Variants in ARRDC5 observed in about 807,000 individuals in gnomAD.
ARRDC5 encodes arrestin domain-containing protein 5.
ARRDC5 carries 12 observed loss-of-function variants against 13.3 expected under a neutral mutation model. That is an observed-to-expected ratio of 0.90 (90% CI 0.58 to 1.46). ARRDC5 has a LOEUF of 1.46. Among genes scored for constraint, ARRDC5 ranks in the 40% most tolerant of loss-of-function variants. The pLI, the probability that ARRDC5 is intolerant of heterozygous loss-of-function variation, is 0.00. For missense variants in ARRDC5, 406 were observed against 418.7 expected (o/e 0.97, Z 0.26); for synonymous variants, 181 against 173.4 (o/e 1.04, Z -0.34).
At chr19:4,899,975 G>A (rs907249250) in intron 1 of ARRDC5, among the ~76,000 whole-genome samples, 3 of 147,692 alleles carry the variant, frequency 2.0e-5, no homozygotes, top group Non-Finnish European at 4.5e-5. Context: ...AAAACAACTA[G>A]CAACATTTTT....
upstream of ARRDC5, among the ~76,000 whole-genome samples, chr19:4,904,435 T>C (rs2032021921): frequency 6.6e-6 from 1 of 152,160 alleles, no homozygotes; most frequent in Admixed American, 6.6e-5. Flanking sequence ...CACCTTGGCC[T>C]CCCAAAGTGC....
At chr19:4,900,978 C>T (rs1469266842) in intron 1 of ARRDC5, among the ~76,000 whole-genome samples, 1 of 151,226 alleles carries the variant, frequency 6.6e-6, no homozygotes, top group Non-Finnish European at 1.5e-5. Context: ...AAGATTACGC[C>T]ACTGCACTCC....
At chr19:4,896,631 T>C (rs201369086) in intron 2 of ARRDC5, 40 bp downstream of exon 2, 2 of 1,475,842 alleles carry the variant, frequency 1.4e-6, no homozygotes, top group African/African-American at 2.8e-5. Flanking sequence ...TCCTTGGAGC[T>C]TGGAGATTGT....
intron 2 of ARRDC5, among the ~76,000 whole-genome samples, chr19:4,895,567 C>T (rs2031684318): frequency 6.6e-6 from 1 of 152,092 alleles, no homozygotes; most frequent in Admixed American, 6.6e-5. Flanking sequence ...TCCCTCCTCC[C>T]ACCTCGACTT....
chr19:4,912,518 T>A, the ARRDC5 span, among the ~76,000 whole-genome samples: 1 of 152,186 alleles, frequency 6.6e-6, no homozygotes, highest in Non-Finnish European at 1.5e-5. Context: ...AACTTTTGCA[T>A]TTCAACCATG....
upstream of ARRDC5, among the ~76,000 whole-genome samples, chr19:4,905,108 CTTTTTTTT>C (rs61443004): frequency 3.6e-3 from 338 of 95,184 alleles, no homozygotes; most frequent in Middle Eastern, 0.02. Flanking sequence ...CGTAAACTTT[CTTTTTTTT>C]TTTTTTTTTT....
At chr19:4,903,031 T>TTTTCACTGGTTCA, upstream of ARRDC5, 1 of 456,424 alleles carries the variant, frequency 2.2e-6, no homozygotes. Flanking sequence ...CACTGGTTCT[T>TTTTCACTGGTTCA]TTTTTTTTTT....
At chr19:4,896,630 C>T (rs1456370603) in intron 2 of ARRDC5, 41 bp downstream of exon 2, 1 of 1,470,168 alleles carries the variant, frequency 6.8e-7, no homozygotes, top group Admixed American at 1.7e-5. Context: ...CTCCTTGGAG[C>T]TTGGAGATTG....
In ARRDC5 at chr19:4,891,359, G is replaced by A. The variant is rs1318723181; in HGVS notation, c.674C>T (p.Ala225Val). 6.2e-7 allele frequency: 1 copy of A among 1,613,776 alleles called. No homozygotes were observed. Among genetic ancestry groups the A allele is most frequent in the Non-Finnish European group, 8.5e-7 (1 of 1,179,890 alleles). The part of the protein sequence containing the change: ...HIQYEGFTPS[A>V]ERRSRLDSSE... ...GCTGTCCAGCCGAGACCGCCGCTCTGCACTGGGCGTGAAGCCCTCGTACTG... is the reference window on the plus strand; with the variant it reads ...GCTGTCCAGCCGAGACCGCCGCTCTACACTGGGCGTGAAGCCCTCGTACTG... The change falls in exon 3 of 3, where the codon GCA (alanine) becomes GTA (valine). Residue 225 changes from alanine to valine, a missense_variant. Ala to Val is a moderately conservative substitution (Grantham distance 64). Transcript: ENST00000650722.
the ARRDC5 span, among the ~76,000 whole-genome samples, chr19:4,915,709 CA>C: frequency 2.5e-4 from 37 of 150,276 alleles, 1 homozygote; most frequent in African/African-American, 6.6e-4. Context: ...GACTCCGTCT[CA>C]AAAAAAAAGC....
the ARRDC5 span, among the ~76,000 whole-genome samples, chr19:4,915,316 G>A: frequency 1.4e-4 from 22 of 152,178 alleles, no homozygotes; most frequent in East Asian, 5.8e-4. Flanking sequence ...TAGAGGGCGC[G>A]GCCTCTGTTA....
chr19:4,909,001 G>A, the ARRDC5 span, among the ~76,000 whole-genome samples: 6 of 152,162 alleles, frequency 3.9e-5, no homozygotes. Context: ...CAAGCCCTGC[G>A]GGTGGGTAGA....
intron 1 of ARRDC5, among the ~76,000 whole-genome samples, chr19:4,898,598 A>G (rs919251222): frequency 1.0e-4 from 15 of 150,376 alleles, no homozygotes; most frequent in Admixed American, 7.3e-4. Context: ...CTGACCTCAG[A>G]TAATCCACCT....
chr19:4,892,686 A>G (rs2031552630), intron 2 of ARRDC5, among the ~76,000 whole-genome samples: 1 of 152,148 alleles, frequency 6.6e-6, no homozygotes, highest in African/African-American at 2.4e-5. Flanking sequence ...AGTTGTTTGC[A>G]ACATAGCAAA....
In ARRDC5 at chr19:4,896,563, C is replaced by A. The variant is rs1466356362; in HGVS notation, c.459+108G>T. The A allele has an allele frequency of 9.9e-6, 8 of 805,604 alleles. No individual in the cohort carries two copies. The East Asian group carries it at 1.3e-4, about 13-fold the overall frequency. The allele number at this position is 805,604 out of a possible 1,614,324, so 49.9% of individuals were successfully genotyped here. Reference sequence around the variant, plus strand: ...TCGGGGCCTGGGAAGCTGCCAACACCCTTCCCTTCTCCCCATGGGACCTTC... The same window carrying A: ...TCGGGGCCTGGGAAGCTGCCAACACACTTCCCTTCTCCCCATGGGACCTTC... On this transcript the variant is annotated intron_variant, in intron 2 of 2. Coordinates refer to ENST00000650722, the MANE Select transcript of ARRDC5 (RefSeq NM_001080523.3).
intron 2 of ARRDC5, among the ~76,000 whole-genome samples, chr19:4,896,454 C>T (rs1027775654): frequency 2.0e-5 from 3 of 149,832 alleles, no homozygotes; most frequent in African/African-American, 7.4e-5. Flanking sequence ...GTCGCCCAGG[C>T]TGGAGTGCAG....
Position 4,890,967 on chromosome 19 carries a change from TGA to T in ARRDC5, c.*77_*78del, listed in dbSNP as rs1225203438. On this transcript the variant is annotated 3_prime_UTR_variant, in exon 3 of 3. Transcript: ENST00000650722. Reference sequence around the variant, plus strand: ...CCTGTTGCCCACTCCTCGACTCCTCTGAGAGTCACCTGTGCAAGAGAGAGGGC... The same window carrying T: ...CCTGTTGCCCACTCCTCGACTCCTCTGAGTCACCTGTGCAAGAGAGAGGGC... The T allele has an allele frequency of 3.9e-6, 5 of 1,285,676 alleles. No individual in the cohort carries two copies. Among genetic ancestry groups the T allele is most frequent in the Non-Finnish European group, 5.3e-6 (5 of 935,380 alleles). The allele number at this position is 1,285,676 out of a possible 1,614,324, so 79.6% of individuals were successfully genotyped here.
the ARRDC5 span, chr19:4,911,103 G>T: frequency 7.1e-7 from 1 of 1,405,808 alleles, no homozygotes; most frequent in Non-Finnish European, 9.4e-7. Context: ...GCAGCCACCA[G>T]CCGATACTTT....
At position 4,902,638 on chromosome 19, in the gene ARRDC5, C is replaced by T; in HGVS notation, c.188G>A (p.Ser63Asn). The T allele has an allele frequency of 6.2e-7, 1 of 1,614,002 alleles. No individual in the cohort carries two copies. The highest frequency in any genetic ancestry group is 8.5e-7 in the Non-Finnish European group (1 of 1,179,892). Residue 63 changes from serine to asparagine, a missense_variant, in exon 1 of 3, where the codon AGC (serine) becomes AAC (asparagine). Transcript: ENST00000650722. Reference sequence around the variant, plus strand: ...CTTGTTGTTGCAAATAACATTTCTGCTATAATCACAGGATGCCCCGGCTTC... The same window carrying T: ...CTTGTTGTTGCAAATAACATTTCTGTTATAATCACAGGATGCCCCGGCTTC... ...SEEAGASCDY[S>N]RNVICNNKAD...
Sources: gnomAD v4.1 joint callset for allele counts (sites outside exome capture counted in the v4.1 genomes callset) on GRCh38, gnomAD v4.1.1 for gene constraint, MANE v1.5 for transcripts, NCBI Gene and HGNC (gene_info 2026-07-23, HGNC 2026-07-21) for gene names.